The following VPS13B variants were observed in gnomAD, a reference collection of about 807,000 sequenced individuals.
VPS13B encodes the protein vacuolar protein sorting 13 homolog B.
In VPS13B, 285 loss-of-function variants were observed where a neutral mutation model predicts 426.4. The ratio of observed to expected loss-of-function variants is 0.67; its 90% CI spans 0.61 to 0.74. The LOEUF is 0.74. Ranked by LOEUF, VPS13B falls within the 30% of genes least tolerant of loss-of-function variation. The probability of loss-of-function intolerance (pLI) is 0.00; values close to 1 mark genes in which losing one functional copy is unlikely to be tolerated. For synonymous variants in VPS13B, 1,676 were observed against 1,676.4 expected (o/e 1.00, Z 0.01); for missense variants, 4,537 against 4,782.6 (o/e 0.95, Z 1.51).
intron 51 of VPS13B, among the ~76,000 whole-genome samples, chr8:99,826,880 TTG>T (rs1174208668): frequency 6.6e-6 from 1 of 152,164 alleles, no homozygotes; most frequent in Non-Finnish European, 1.5e-5. Flanking sequence ...ATTTATTGAT[TTG>T]TGTGTGTTGA....
intron 19 of VPS13B, among the ~76,000 whole-genome samples, chr8:99,319,235 T>A (rs933789263): frequency 2.8e-4 from 43 of 152,204 alleles, no homozygotes; most frequent in Admixed American, 6.5e-4. Flanking sequence ...CCTGTGTATA[T>A]GTGTTGCATA....
chr8:99,556,658 G>C lies in VPS13B; in HGVS notation c.4949+5G>C. On this transcript the variant is annotated splice_donor_5th_base_variant and intron_variant, in intron 31 of 61. Transcript: ENST00000357162. Reference sequence around the variant, plus strand: ...TGAGTGGAATATGGCCAGCAGGTAGGAAATGATTGAGAAACTTTCTACTCT... The same window carrying C: ...TGAGTGGAATATGGCCAGCAGGTAGCAAATGATTGAGAAACTTTCTACTCT... 6.2e-7 allele frequency: 1 copy of C among 1,612,182 alleles called. No individual in the cohort carries two copies. The highest frequency in any genetic ancestry group is 2.2e-5 in the East Asian group (1 of 44,804).
At chr8:99,849,035 TA>T in intron 55 of VPS13B, 141 bp downstream of exon 55, 2 of 815,680 alleles carry the variant, frequency 2.5e-6, no homozygotes, top group Admixed American at 2.0e-5. Context: ...AAAATATGGT[TA>T]TTAGCACTAA....
At chr8:99,464,649 T>A (rs1163295240) in intron 23 of VPS13B, among the ~76,000 whole-genome samples, 1 of 152,162 alleles carries the variant, frequency 6.6e-6, no homozygotes, top group Non-Finnish European at 1.5e-5. Flanking sequence ...AAATCCCCTG[T>A]AATTTTCTTT....
At chr8:99,345,275 T>C (rs926622079) in intron 19 of VPS13B, among the ~76,000 whole-genome samples, 4 of 152,250 alleles carry the variant, frequency 2.6e-5, no homozygotes, top group Non-Finnish European at 4.4e-5. Context: ...TGAAGTGTTA[T>C]AGTTCTTGGT....
At chr8:99,173,221 G>A (rs1812452716) in intron 16 of VPS13B, among the ~76,000 whole-genome samples, 1 of 152,066 alleles carries the variant, frequency 6.6e-6, no homozygotes, top group Non-Finnish European at 1.5e-5. Context: ...TTAATTAGAA[G>A]TTACACGACT....
At chr8:99,772,557 C>T (rs964272391) in intron 40 of VPS13B, among the ~76,000 whole-genome samples, 3 of 151,896 alleles carry the variant, frequency 2.0e-5, no homozygotes, top group African/African-American at 7.3e-5. Context: ...GGTTGCACAA[C>T]AATGTGAATG....
rs182192751 is a variant in VPS13B at position 99,400,445 on chromosome 8, A to G, written c.3082+8741A>G. The stretch of plus-strand genomic sequence containing the variant: ...ATTTAAAAATAGTTAACCCTAAAAT[A>G]GTAGTCTTCAATTGTTTTTCTTAGT... On this transcript the variant is annotated intron_variant, in intron 21 of 61. Transcript: ENST00000357162. Among the ~76,000 whole-genome samples the G allele has an allele frequency of 2.8e-4, 42 of 152,322 alleles. No homozygotes were observed. In the East Asian group the frequency reaches 7.7e-3, roughly 28 times the overall value.
chr8:99,156,943 G>A (rs1811395105), intron 15 of VPS13B, among the ~76,000 whole-genome samples, 200 bp downstream of exon 15: 1 of 152,090 alleles, frequency 6.6e-6, no homozygotes, highest in African/African-American at 2.4e-5. Flanking sequence ...TTTCAATTAT[G>A]TGAGATTAGT....
At chr8:99,445,728 C>T (rs1346565032) in intron 23 of VPS13B, among the ~76,000 whole-genome samples, 1 of 151,950 alleles carries the variant, frequency 6.6e-6, no homozygotes, top group African/African-American at 2.4e-5. Flanking sequence ...AGTCTATTTA[C>T]TCTCCATCTG....
intron 30 of VPS13B, among the ~76,000 whole-genome samples, chr8:99,528,287 CAA>C (rs1197948565): frequency 1.3e-5 from 2 of 152,082 alleles, no homozygotes; most frequent in East Asian, 3.9e-4. Flanking sequence ...GTTATTAATA[CAA>C]TAGGGATCTT....
chr8:99,800,258 G>A (rs1410238028), intron 43 of VPS13B, among the ~76,000 whole-genome samples: 2 of 152,072 alleles, frequency 1.3e-5, no homozygotes, highest in Non-Finnish European at 2.9e-5. Flanking sequence ...AACCCTTTGT[G>A]GTGGTACCAA....
intron 21 of VPS13B, among the ~76,000 whole-genome samples, chr8:99,404,802 A>T (rs1010854265): frequency 6.6e-6 from 1 of 152,326 alleles, no homozygotes; most frequent in South Asian, 2.1e-4. Context: ...AGCTAACATC[A>T]CACGGTCTTG....
Position 99,361,398 on chromosome 8 carries a change from A to G in VPS13B, c.2825-22810A>G, listed in dbSNP as rs139682725. Among the ~76,000 whole-genome samples the G allele has an allele frequency of 6.3e-3, 961 of 152,288 alleles. 8 individuals carry two copies. The highest frequency in any genetic ancestry group is 0.022 in the African/African-American group (902 of 41,556). On this transcript the variant is annotated intron_variant, in intron 19 of 61. Coordinates refer to ENST00000357162, the MANE Select transcript of VPS13B (RefSeq NM_152564.5). ...TGAATGGTCTCTTTTGAAACTACTC[A>G]ACTCTGCTGCTTTAGCAGGAAAGTA...
intron 19 of VPS13B, among the ~76,000 whole-genome samples, chr8:99,375,466 A>T (rs1813430641): frequency 6.6e-6 from 1 of 152,212 alleles, no homozygotes. Flanking sequence ...GTAATGAGCT[A>T]CCATACGCAC....
intron 17 of VPS13B, among the ~76,000 whole-genome samples, chr8:99,237,511 G>A (rs1351376653): frequency 1.3e-5 from 2 of 151,950 alleles, no homozygotes; most frequent in African/African-American, 2.4e-5. Context: ...AGGAAAACAG[G>A]CCATGTAAAT....
rs186026732 is a variant in VPS13B at position 99,338,666 on chromosome 8, C to T, written c.2825-45542C>T. Among the ~76,000 whole-genome samples, 27 of 152,112 alleles carry T rather than the reference C, an allele frequency of 1.8e-4. 1 individual carries two copies. In the East Asian group the frequency reaches 4.8e-3, roughly 27 times the overall value. ...AAAACAATGTCAGATTATTTTGTTA[C>T]CTTATGTTGCTTATACATGGAAGCA... On this transcript the variant is annotated intron_variant, in intron 19 of 61. Coordinates refer to ENST00000357162, the MANE Select transcript of VPS13B (RefSeq NM_152564.5).
At chr8:99,377,287 A>G (rs1485281791) in intron 19 of VPS13B, among the ~76,000 whole-genome samples, 1 of 152,018 alleles carries the variant, frequency 6.6e-6, no homozygotes, top group East Asian at 1.9e-4. Flanking sequence ...CCCATTCTCT[A>G]TTATCTCTCT....
intron 25 of VPS13B, among the ~76,000 whole-genome samples, chr8:99,486,830 C>A (rs1820333170): frequency 6.6e-6 from 1 of 152,138 alleles, no homozygotes; most frequent in South Asian, 2.1e-4. Context: ...TCGTTTCTGA[C>A]ACCATAGTAT....
Sources: gnomAD v4.1 joint callset for allele counts (sites outside exome capture counted in the v4.1 genomes callset) on GRCh38, gnomAD v4.1.1 for gene constraint, MANE v1.5 for transcripts, NCBI Gene and HGNC (gene_info 2026-07-23, HGNC 2026-07-21) for gene names.